MSL2: variants seen among roughly 807,000 people sequenced by gnomAD.
The protein encoded by MSL2 is E3 ubiquitin-protein ligase MSL2.
MSL2 carries 2 observed loss-of-function variants against 35.8 expected under a neutral mutation model. The observed-to-expected ratio is 0.06, with a 90% CI of 0.02 to 0.18. The LOEUF (loss-of-function observed/expected upper bound fraction) is 0.18, where lower values mean the gene tolerates loss of function less well. Among genes scored for constraint, MSL2 ranks in the 10% least tolerant of loss-of-function variants. MSL2 has a pLI of 1.00. For synonymous variants in MSL2, 296 were observed against 255.7 expected (o/e 1.16, Z -1.50); for missense variants, 523 against 706.7 (o/e 0.74, Z 2.95).
chr3:136,186,697 AAC>A (rs2108092701), intron 1 of MSL2, among the ~76,000 whole-genome samples: 2 of 152,342 alleles, frequency 1.3e-5, no homozygotes, highest in Admixed American at 1.3e-4. Context: ...CCTTGTGGAA[AAC>A]ACGCTCAGGG....
intron 1 of MSL2, among the ~76,000 whole-genome samples, chr3:136,165,810 G>A (rs1939830168): frequency 6.6e-6 from 1 of 152,032 alleles, no homozygotes; most frequent in South Asian, 2.1e-4. Context: ...ATAAGACCTA[G>A]TATTTGATAG....
At chr3:136,182,941 C>G (rs1322590182) in intron 1 of MSL2, among the ~76,000 whole-genome samples, 1 of 152,134 alleles carries the variant, frequency 6.6e-6, no homozygotes. Flanking sequence ...CAGAAGGTTC[C>G]TGCCCTCAGT....
chr3:136,168,693 G>A (rs1426279351), intron 1 of MSL2, among the ~76,000 whole-genome samples: 4 of 151,826 alleles, frequency 2.6e-5, no homozygotes, highest in African/African-American at 4.8e-5. Flanking sequence ...ACCATGGCAC[G>A]TGTACACCTA....
intron 1 of MSL2, among the ~76,000 whole-genome samples, chr3:136,177,737 CTGAG>C (rs939863163): frequency 3.4e-5 from 5 of 149,052 alleles, no homozygotes; most frequent in Admixed American, 6.7e-5. Flanking sequence ...GACCACTTGA[CTGAG>C]TAATTACTTT....
In MSL2 at chr3:136,150,099, T is replaced by TA. The variant is rs1939308384; in HGVS notation, c.*1047dup. 1 of 152,620 alleles carries TA rather than the reference T, an allele frequency of 6.6e-6. No individual in the cohort carries two copies. Among genetic ancestry groups the TA allele is most frequent in the African/African-American group, 2.4e-5 (1 of 41,444 alleles). The allele number at this position is 152,620 out of a possible 1,614,324, so 9.5% of individuals were successfully genotyped here. On this transcript the variant is annotated 3_prime_UTR_variant, in exon 2 of 2. Transcript: ENST00000309993. Reference sequence around the variant, plus strand: ...AAGAGCATTCTAAAGAAAATCCTCCTAGCTTCAACCTACCTAAATGCACAG... The same window carrying TA: ...AAGAGCATTCTAAAGAAAATCCTCCTAAGCTTCAACCTACCTAAATGCACAG...
intron 1 of MSL2, among the ~76,000 whole-genome samples, chr3:136,157,048 A>G (rs938555313): frequency 1.5e-4 from 23 of 152,222 alleles, no homozygotes; most frequent in Non-Finnish European, 1.2e-4. Flanking sequence ...AAATATAAAA[A>G]ATAAAAAAGC....
In MSL2 at chr3:136,195,702, A is replaced by ACGC. The variant is rs1215882229; in HGVS notation, c.-592_-590dup. 91 of 984,986 alleles carry ACGC rather than the reference A, an allele frequency of 9.2e-5. 3 individuals carry two copies. The South Asian group carries it at 3.7e-3, about 40-fold the overall frequency. The allele number at this position is 984,986 out of a possible 1,614,324, so 61.0% of individuals were successfully genotyped here. ...CGAAGGTTGATGTTGCGGCTGGCGG[A>ACGC]CGCCGCCGCCGCGCTCTCCATATCG... On this transcript the variant is annotated 5_prime_UTR_variant, in exon 1 of 2. Transcript: ENST00000309993.
At chr3:136,157,385 T>C (rs1231348735) in intron 1 of MSL2, among the ~76,000 whole-genome samples, 4 of 152,136 alleles carry the variant, frequency 2.6e-5, no homozygotes. Context: ...ACACCTGTAA[T>C]CCCAGCTACT....
At chr3:136,170,564 G>C (rs1194463588) in intron 1 of MSL2, among the ~76,000 whole-genome samples, 3 of 142,140 alleles carry the variant, frequency 2.1e-5, no homozygotes, top group Non-Finnish European at 4.5e-5. Flanking sequence ...CGCCAGGCTG[G>C]AGTGCAGTGG....
At chr3:136,190,611 A>T (rs1940659822) in intron 1 of MSL2, among the ~76,000 whole-genome samples, 1 of 152,120 alleles carries the variant, frequency 6.6e-6, no homozygotes, top group Admixed American at 6.6e-5. Context: ...GTTATCTCCA[A>T]GAATAGTATT....
Position 136,174,646 on chromosome 3 carries a change from G to T in MSL2, c.142+20326C>A, listed in dbSNP as rs553461112. Reference sequence around the variant, plus strand: ...AGGAAATCCTTACTGCACAAAAACTGGACCAGCAAGAGCCCTGCCTAAATT... The same window carrying T: ...AGGAAATCCTTACTGCACAAAAACTTGACCAGCAAGAGCCCTGCCTAAATT... On this transcript the variant is annotated intron_variant, in intron 1 of 1. Coordinates refer to ENST00000309993, the MANE Select transcript of MSL2 (RefSeq NM_018133.4). Among the ~76,000 whole-genome samples, 212 of 152,228 alleles carry T rather than the reference G, an allele frequency of 1.4e-3. 3 individuals carry two copies. Among genetic ancestry groups the T allele is most frequent in the African/African-American group, 4.5e-3 (186 of 41,520 alleles).
chr3:136,168,054 G>A (rs1008178988), intron 1 of MSL2, among the ~76,000 whole-genome samples: 1 of 151,858 alleles, frequency 6.6e-6, no homozygotes, highest in African/African-American at 2.4e-5. Flanking sequence ...CCAAAAACAG[G>A]AATAAAAAGC....
chr3:136,194,827 A>C, intron 1 of MSL2, 145 bp downstream of exon 1: 1 of 1,310,752 alleles, frequency 7.6e-7, no homozygotes, highest in Non-Finnish European at 1.1e-6. Flanking sequence ...TCCCTCAGCA[A>C]GTTTCAAAAC....
chr3:136,169,231 CGGGGGGGGGGGGGGGG>C (rs869059543), intron 1 of MSL2, among the ~76,000 whole-genome samples: 3 of 11,120 alleles, frequency 2.7e-4, no homozygotes, highest in African/African-American at 6.6e-4. Flanking sequence ...GTTGTTTTGG[CGGGGGGGGGGGGGGGG>C]GGGGGTGCTT....
chr3:136,183,129 T>A (rs1038171865), intron 1 of MSL2, among the ~76,000 whole-genome samples: 4 of 151,546 alleles, frequency 2.6e-5, no homozygotes, highest in Non-Finnish European at 4.4e-5. Flanking sequence ...AAGGTAAAAC[T>A]CACAATAGCT....
chr3:136,195,028 G>C lies in MSL2; in HGVS notation c.86C>G (p.Thr29Ser). Residue 29 changes from threonine (T) to serine (S), a missense_variant, in exon 1 of 2, where the codon ACT becomes AGT. By Grantham distance (58) the Thr-to-Ser change is moderately conservative. Coordinates refer to ENST00000309993, the MANE Select transcript of MSL2 (RefSeq NM_018133.4). ...NYDPGDPKAF[T>S]EINRLLPYFR... ...GTAAGGCAAGAGCCTGTTAATCTCA[G>C]TAAACGCCTTGGGGTCTCCGGGGTC... The C allele has an allele frequency of 6.2e-7, 1 of 1,614,160 alleles. No homozygotes were observed. The highest frequency in any genetic ancestry group is 1.1e-5 in the South Asian group (1 of 91,072).
At chr3:136,185,068 A>G (rs2108090904) in intron 1 of MSL2, among the ~76,000 whole-genome samples, 1 of 152,066 alleles carries the variant, frequency 6.6e-6, no homozygotes, top group Admixed American at 6.5e-5. Context: ...TCCACCTCCC[A>G]GGTTCAGGCA....
At chr3:136,190,472 G>T (rs1940656507) in intron 1 of MSL2, among the ~76,000 whole-genome samples, 1 of 151,586 alleles carries the variant, frequency 6.6e-6, no homozygotes, top group Non-Finnish European at 1.5e-5. Flanking sequence ...CAGAGGACTG[G>T]AGTTGGAGGC....
chr3:136,189,464 C>T (rs999878696), intron 1 of MSL2, among the ~76,000 whole-genome samples: 6 of 147,894 alleles, frequency 4.1e-5, no homozygotes, highest in Non-Finnish European at 8.9e-5. Context: ...GTGGCTCACA[C>T]CTGTAATCTC....
Sources: allele counts gnomAD v4.1 joint callset (sites outside exome capture counted in the v4.1 genomes callset), GRCh38; gene constraint gnomAD v4.1.1; transcripts MANE v1.5; gene names NCBI Gene and HGNC (gene_info 2026-07-23, HGNC 2026-07-21).